The following FLRT2 variants were observed in gnomAD, a reference collection of about 807,000 sequenced individuals.
The protein encoded by FLRT2 is leucine-rich repeat transmembrane protein FLRT2.
FLRT2 carries 15 observed loss-of-function variants against 40.0 expected under a neutral mutation model. The ratio of observed to expected loss-of-function variants is 0.38; its 90% confidence interval spans 0.25 to 0.58. The LOEUF (loss-of-function observed/expected upper bound fraction) is 0.58, where lower values mean the gene tolerates loss of function less well. FLRT2 is among the 20% of genes least tolerant of loss of function. The pLI is 0.71. For missense variants in FLRT2, 726 were observed against 840.0 expected, an observed-to-expected ratio of 0.86 and a Z score of 1.68; for synonymous variants, 380 against 336.8, an observed-to-expected ratio of 1.13 and a Z score of -1.41.
chr14:85,561,950 C>T (rs1890354173), intron 1 of FLRT2, among the ~76,000 whole-genome samples: 1 of 152,212 alleles, frequency 6.6e-6, no homozygotes, highest in African/African-American at 2.4e-5. Context: ...CTCATCCTCA[C>T]ATCTATGTGA....
rs1425135424 is a variant in FLRT2, at chr14:85,638,753, A to G, written c.*15256A>G. On this transcript the variant is annotated 3_prime_UTR_variant, in exon 2 of 2. Transcript: ENST00000330753. ...TATAACCACTGAATGTTCTAATTCCATGAATTTAAATGACGCACCTGAACA... is the reference window on the plus strand; with the variant it reads ...TATAACCACTGAATGTTCTAATTCCGTGAATTTAAATGACGCACCTGAACA... 1 of 152,238 alleles carries G rather than the reference A, an allele frequency of 6.6e-6. No individual in the cohort carries two copies. The highest frequency in any genetic ancestry group is 1.5e-5 in the Non-Finnish European group (1 of 68,044). The allele number at this position is 152,238 out of a possible 1,614,324, so 9.4% of individuals were successfully genotyped here. A position where few individuals can be genotyped will look rare whatever the true frequency, so the allele number is the denominator to read the frequency against.
Position 85,627,854 on chromosome 14 carries a change from T to C in FLRT2, c.*4357T>C. ...CCTACCATGTCGCACACTTTGTTAATGACAAACTTCACTCTACACTATACA... is the reference window on the plus strand; with the variant it reads ...CCTACCATGTCGCACACTTTGTTAACGACAAACTTCACTCTACACTATACA... On this transcript the variant is annotated 3_prime_UTR_variant, in exon 2 of 2. Transcript: ENST00000330753. 1 of 167,208 alleles carries C rather than the reference T, an allele frequency of 6.0e-6. No individual in the cohort carries two copies. 10.4% of individuals were successfully genotyped at this position (167,208 alleles called of 1,614,324 possible).
chr14:85,643,431 C>T lies in FLRT2; in HGVS notation c.*19934C>T, dbSNP rs1894216040. On this transcript the variant is annotated 3_prime_UTR_variant, in exon 2 of 2. Coordinates refer to ENST00000330753, the MANE Select transcript of FLRT2 (RefSeq NM_013231.6). ...GTTTTGAGACAGGTTCTCTCTCTGTCACCCAGGCAGGAATGCAGTGGCGTG... is the reference window on the plus strand; with the variant it reads ...GTTTTGAGACAGGTTCTCTCTCTGTTACCCAGGCAGGAATGCAGTGGCGTG... The T allele has an allele frequency of 6.6e-6, 1 of 150,520 alleles. No homozygotes were observed. The highest frequency in any genetic ancestry group is 1.5e-5 in the Non-Finnish European group (1 of 67,970). The allele number at this position is 150,520 out of a possible 1,614,324, so 9.3% of individuals were successfully genotyped here. A position where few individuals can be genotyped will look rare whatever the true frequency, so the allele number is the denominator to read the frequency against.
At chr14:85,572,122 T>G (rs768921474) in intron 1 of FLRT2, among the ~76,000 whole-genome samples, 2 of 152,228 alleles carry the variant, frequency 1.3e-5, no homozygotes, top group Non-Finnish European at 2.9e-5. Context: ...ACTTTATATC[T>G]TGAAGTTGTC....
intron 1 of FLRT2, among the ~76,000 whole-genome samples, chr14:85,557,204 G>C (rs902829165): frequency 6.6e-6 from 1 of 151,832 alleles, no homozygotes; most frequent in African/African-American, 2.4e-5. Context: ...AAAACACAGA[G>C]ACCCTCTTAC....
intron 1 of FLRT2, among the ~76,000 whole-genome samples, chr14:85,612,148 GAAAA>G (rs11298273): frequency 0.059 from 8,466 of 144,158 alleles, 858 homozygotes; most frequent in African/African-American, 0.2. Context: ...TTTAAAAAAA[GAAAA>G]AAAAAAACAC....
intron 1 of FLRT2, among the ~76,000 whole-genome samples, chr14:85,580,435 C>T (rs187083984): frequency 2.6e-5 from 4 of 152,210 alleles, no homozygotes; most frequent in African/African-American, 9.6e-5. Flanking sequence ...CATATATGTG[C>T]GAGTGCATGC....
chr14:85,604,643 T>C (rs1166983525), intron 1 of FLRT2, among the ~76,000 whole-genome samples: 1 of 152,082 alleles, frequency 6.6e-6, no homozygotes. Context: ...CCTAGGACTG[T>C]TTTTAAAACT....
rs1894029172 is a variant in FLRT2 at position 85,637,152 on chromosome 14, CTAAT to C, written c.*13656_*13659del. 1 of 151,980 alleles carries C rather than the reference CTAAT, an allele frequency of 6.6e-6. No individual in the cohort carries two copies. Among genetic ancestry groups the C allele is most frequent in the African/African-American group, 2.4e-5 (1 of 41,366 alleles). 9.4% of individuals were successfully genotyped at this position (151,980 alleles called of 1,614,324 possible). On this transcript the variant is annotated 3_prime_UTR_variant, in exon 2 of 2. Transcript: ENST00000330753. ...TTTTCTGGCATGGGTACAAATGTAA[CTAAT>C]CAAGTGTAATTTATAAACTATAAAA... is the stretch of plus-strand genomic sequence containing the variant.
chr14:85,615,027 A>G (rs1893060577), intron 1 of FLRT2, among the ~76,000 whole-genome samples: 2 of 152,176 alleles, frequency 1.3e-5, no homozygotes, highest in South Asian at 4.1e-4. Flanking sequence ...TCCTTTTACT[A>G]CCGGGGACCA....
chr14:85,587,438 G>A (rs1891673797), intron 1 of FLRT2, among the ~76,000 whole-genome samples: 1 of 152,094 alleles, frequency 6.6e-6, no homozygotes. Context: ...TTTTGTTTGT[G>A]CATTTGATGT....
chr14:85,592,139 A>G (rs1032140639), intron 1 of FLRT2, among the ~76,000 whole-genome samples: 1 of 74,500 alleles, frequency 1.3e-5, no homozygotes, highest in Non-Finnish European at 2.8e-5. Flanking sequence ...GGAAGAAAAC[A>G]AAAAAAATAT....
intron 1 of FLRT2, among the ~76,000 whole-genome samples, chr14:85,555,103 A>T (rs1889870947): frequency 6.6e-6 from 1 of 152,242 alleles, no homozygotes. Flanking sequence ...GAAAGAGCTA[A>T]AATCTAAGGT....
chr14:85,602,769 G>A (rs1191545571), intron 1 of FLRT2, among the ~76,000 whole-genome samples: 1 of 152,194 alleles, frequency 6.6e-6, no homozygotes, highest in Non-Finnish European at 1.5e-5. Context: ...TTTGATGCAT[G>A]TGAATTCTTT....
rs1323906166 is a variant in FLRT2 at position 85,635,074 on chromosome 14, A to G, written c.*11577A>G. 1 of 152,212 alleles carries G rather than the reference A, an allele frequency of 6.6e-6. No individual in the cohort carries two copies. Among genetic ancestry groups the G allele is most frequent in the Non-Finnish European group, 1.5e-5 (1 of 68,028 alleles). The allele number at this position is 152,212 out of a possible 1,614,324, so 9.4% of individuals were successfully genotyped here. A position where few individuals can be genotyped will look rare whatever the true frequency, so the allele number is the denominator to read the frequency against. ...CACTCAGTTTCATTGACTTAAGTAT[A>G]AAGACTAACATGTTTCTCATTAGTT... On this transcript the variant is annotated 3_prime_UTR_variant, in exon 2 of 2. Transcript: ENST00000330753.
Position 85,654,056 on chromosome 14 carries a change from CAGAATGATTTCACTTAAGGCA to C in FLRT2, c.*30562_*30582del. 6.6e-6 allele frequency: 1 copy of C among 152,134 alleles called. No individual in the cohort carries two copies. The highest frequency in any genetic ancestry group is 2.4e-5 in the African/African-American group (1 of 41,534). The allele number at this position is 152,134 out of a possible 1,614,324, so 9.4% of individuals were successfully genotyped here. A position where few individuals can be genotyped will look rare whatever the true frequency, so the allele number is the denominator to read the frequency against. ...GTTTTTTGAGGTCGTCTGATGAAAT[CAGAATGATTTCACTTAAGGCA>C]AGGCATATTAAAATACAAATTCGTA... is the stretch of plus-strand genomic sequence containing the variant. On this transcript the variant is annotated 3_prime_UTR_variant, in exon 2 of 2. Coordinates refer to ENST00000330753, the MANE Select transcript of FLRT2 (RefSeq NM_013231.6).
Position 85,629,321 on chromosome 14 carries a change from C to T in FLRT2, c.*5824C>T, listed in dbSNP as rs958286332. ...AGAGAGTACATTGCTAAAGTCAGAACTTAATTTGAATTAAATTTTCAAGTT... is the reference window on the plus strand; with the variant it reads ...AGAGAGTACATTGCTAAAGTCAGAATTTAATTTGAATTAAATTTTCAAGTT... On this transcript the variant is annotated 3_prime_UTR_variant, in exon 2 of 2. Coordinates refer to ENST00000330753, the MANE Select transcript of FLRT2 (RefSeq NM_013231.6). 5 of 152,266 alleles carry T rather than the reference C, an allele frequency of 3.3e-5. No homozygotes were observed. The highest frequency in any genetic ancestry group is 1.2e-4 in the African/African-American group (5 of 41,552). The allele number at this position is 152,266 out of a possible 1,614,324, so 9.4% of individuals were successfully genotyped here.
chr14:85,538,367 A>ATGGC (rs1218218474), intron 1 of FLRT2, among the ~76,000 whole-genome samples: 2 of 152,168 alleles, frequency 1.3e-5, no homozygotes, highest in Non-Finnish European at 2.9e-5. Flanking sequence ...TGGCAGTTTA[A>ATGGC]TGGTTAAAGA....
At chr14:85,536,557 TA>T (rs1240854488) in intron 1 of FLRT2, among the ~76,000 whole-genome samples, 1 of 152,342 alleles carries the variant, frequency 6.6e-6, no homozygotes, top group Non-Finnish European at 1.5e-5. Flanking sequence ...TAGATTACTT[TA>T]ATAACTTTGT....
Sources: gnomAD v4.1 joint callset for allele counts (sites outside exome capture counted in the v4.1 genomes callset) on GRCh38, gnomAD v4.1.1 for gene constraint, MANE v1.5 for transcripts, NCBI Gene and HGNC (gene_info 2026-07-23, HGNC 2026-07-21) for gene names.